Variants in LEMD1 observed in about 807,000 individuals in gnomAD.
LEMD1 encodes the protein LEM domain-containing protein 1.
LEMD1 carries 18 observed loss-of-function variants against 17.4 expected under a neutral mutation model. The ratio of observed to expected loss-of-function variants is 1.04; its 90% CI spans 0.72 to 1.54. The LOEUF (loss-of-function observed/expected upper bound fraction) is 1.54, where lower values mean the gene tolerates loss of function less well. LEMD1 is among the 40% of genes most tolerant of loss of function. The pLI, the probability that LEMD1 is intolerant of heterozygous loss-of-function variation, is 0.00. For synonymous variants in LEMD1, 88 were observed against 77.8 expected, an observed-to-expected ratio of 1.13 and a Z score of -0.69; for missense variants, 195 against 210.4, an observed-to-expected ratio of 0.93 and a Z score of 0.45.
intron 1 of LEMD1, chr1:205,435,511 C>T (rs984519939): frequency 6.6e-6 from 1 of 152,142 alleles, no homozygotes; most frequent in Non-Finnish European, 1.5e-5. Context: ...AGACATGAAG[C>T]CATTTGTTCC....
rs1269545342 is a variant in LEMD1, at chr1:205,449,158, T to C, written c.-39+710A>G. Among the ~76,000 whole-genome samples the C allele has an allele frequency of 3.9e-5, 6 of 152,134 alleles. No homozygotes were observed. In the East Asian group the frequency reaches 1.2e-3, roughly 29 times the overall value. On this transcript the variant is annotated intron_variant, in intron 1 of 3. Transcript: ENST00000367154. ...GGTGCGCAGTGCCCTGCCGCTCTCA[T>C]TGGCAGGACATGGGGGTTAGCACAG...
intron 3 of LEMD1, among the ~76,000 whole-genome samples, chr1:205,416,903 G>A (rs539830551): frequency 6.6e-6 from 1 of 152,186 alleles, no homozygotes. Context: ...AAGACAGTCA[G>A]TTAGTGAAAA....
intron 1 of LEMD1, among the ~76,000 whole-genome samples, chr1:205,427,925 C>A (rs2102451377): frequency 6.6e-6 from 1 of 152,276 alleles, no homozygotes; most frequent in South Asian, 2.1e-4. Context: ...AACAACTGTT[C>A]CAGAGCATTA....
chr1:205,383,212 G>C (rs1335507664), intron 5 of LEMD1, among the ~76,000 whole-genome samples: 1 of 152,108 alleles, frequency 6.6e-6, no homozygotes, highest in Admixed American at 6.6e-5. Flanking sequence ...TTCTGCGTCA[G>C]CCTCCCAGGT....
intron 2 of LEMD1, among the ~76,000 whole-genome samples, chr1:205,420,036 C>T (rs1001922812): frequency 9.2e-5 from 14 of 152,096 alleles, no homozygotes; most frequent in Admixed American, 2.0e-4. Context: ...CCAATCCATG[C>T]GCTGGGTGTG....
chr1:205,401,349 C>T (rs930008313), intron 4 of LEMD1, among the ~76,000 whole-genome samples: 1 of 152,200 alleles, frequency 6.6e-6, no homozygotes, highest in African/African-American at 2.4e-5. Flanking sequence ...CACATCCTCT[C>T]CAGCACCTGT....
chr1:205,392,748 A>G (rs565850339), intron 4 of LEMD1, among the ~76,000 whole-genome samples: 53 of 152,316 alleles, frequency 3.5e-4, no homozygotes, highest in Non-Finnish European at 6.3e-4. Flanking sequence ...TTGTGTCATC[A>G]GAGTCCCTAA....
At chr1:205,444,474 T>A (rs1376413108) in intron 1 of LEMD1, among the ~76,000 whole-genome samples, 1 of 151,638 alleles carries the variant, frequency 6.6e-6, no homozygotes, top group East Asian at 1.9e-4. Flanking sequence ...TCCCTGCTGA[T>A]CCTTTCCCTT....
intron 4 of LEMD1, chr1:205,387,438 A>G (rs1218926849): frequency 6.6e-6 from 1 of 152,214 alleles, no homozygotes; most frequent in Non-Finnish European, 1.5e-5. Flanking sequence ...CAGTTTTTGC[A>G]TCAAGTGGTG....
rs758439555 is a variant in LEMD1 at position 205,420,451 on chromosome 1, A to G, written c.82+4T>C. On this transcript the variant is annotated splice_donor_region_variant and intron_variant, in intron 2 of 5. Transcript: ENST00000367153. Reference sequence around the variant, plus strand: ...CTGTAATATTTGCTGCATACTGTACATACGTAGTATTGGGCCAGGTGAAAA... The same window carrying G: ...CTGTAATATTTGCTGCATACTGTACGTACGTAGTATTGGGCCAGGTGAAAA... 1.2e-6 allele frequency: 2 copies of G among 1,609,310 alleles called. No individual in the cohort carries two copies. Among genetic ancestry groups the G allele is most frequent in the Non-Finnish European group, 1.7e-6 (2 of 1,175,734 alleles).
chr1:205,427,289 G>C (rs1666069823), intron 1 of LEMD1, among the ~76,000 whole-genome samples: 1 of 151,778 alleles, frequency 6.6e-6, no homozygotes, highest in South Asian at 2.1e-4. Flanking sequence ...TGTGAGTAAG[G>C]CCTCAGTATG....
intron 4 of LEMD1, among the ~76,000 whole-genome samples, chr1:205,409,804 C>T (rs899185786): frequency 4.0e-5 from 6 of 150,440 alleles, no homozygotes; most frequent in Admixed American, 1.3e-4. Context: ...CAGAGTTTTG[C>T]GCTTGTTGCC....
chr1:205,408,502 C>CTTTTTTTTTT (rs573634699), intron 4 of LEMD1, among the ~76,000 whole-genome samples: 1 of 136,880 alleles, frequency 7.3e-6, no homozygotes, highest in Non-Finnish European at 1.5e-5. Flanking sequence ...TTCTTTCTTT[C>CTTTTTTTTTT]TTTTTTTTTT....
chr1:205,391,446 A>G (rs1381033830), intron 4 of LEMD1, among the ~76,000 whole-genome samples: 1 of 152,096 alleles, frequency 6.6e-6, no homozygotes, highest in Non-Finnish European at 1.5e-5. Flanking sequence ...GGTGAAAAAA[A>G]GCTCCCGGAA....
In LEMD1 at chr1:205,384,367, G is replaced by A; in HGVS notation, c.271-3C>T. ...TTAGTGGTGGAAGCCTCAGGCCACTGATAAACAGAAAGAAAATGTCAAGAG... is the reference window on the plus strand; with the variant it reads ...TTAGTGGTGGAAGCCTCAGGCCACTAATAAACAGAAAGAAAATGTCAAGAG... On this transcript the variant is annotated splice_polypyrimidine_tract_variant and splice_region_variant and intron_variant, in intron 4 of 5. Transcript: ENST00000367153. 1 of 1,494,260 alleles carries A rather than the reference G, an allele frequency of 6.7e-7. No homozygotes were observed. Among genetic ancestry groups the A allele is most frequent in the Non-Finnish European group, 8.9e-7 (1 of 1,119,646 alleles). The allele number at this position is 1,494,260 out of a possible 1,614,324, so 92.6% of individuals were successfully genotyped here.
chr1:205,381,986 T>A, intron 5 of LEMD1, 130 bp from the exon 6 acceptor site: 1 of 808,530 alleles, frequency 1.2e-6, no homozygotes, highest in Non-Finnish European at 2.1e-6. Flanking sequence ...CTCTCCTTAC[T>A]AAAAACCTAG....
Position 205,406,827 on chromosome 1 carries a change from G to A in LEMD1, c.270+9405C>T, listed in dbSNP as rs538692156. ...CTCACGCTGGGAGCTGTAGACAGGAGCTGTTCCTATTTGGCCATCTTGGCT... is the reference window on the plus strand; with the variant it reads ...CTCACGCTGGGAGCTGTAGACAGGAACTGTTCCTATTTGGCCATCTTGGCT... On this transcript the variant is annotated intron_variant, in intron 4 of 5. Transcript: ENST00000367153. Among the ~76,000 whole-genome samples the A allele has an allele frequency of 2.6e-5, 4 of 152,300 alleles. No individual in the cohort carries two copies. In the East Asian group the frequency reaches 5.8e-4, roughly 22 times the overall value.
chr1:205,443,401 G>GA (rs397760725), intron 1 of LEMD1, among the ~76,000 whole-genome samples: 2 of 151,690 alleles, frequency 1.3e-5, no homozygotes, highest in African/African-American at 4.8e-5. Context: ...GTCCTTTGGG[G>GA]AATTTAAGAA....
chr1:205,447,874 G>T (rs1666430417), intron 1 of LEMD1, among the ~76,000 whole-genome samples: 1 of 152,186 alleles, frequency 6.6e-6, no homozygotes, highest in Admixed American at 6.5e-5. Context: ...CAGAAAAAAG[G>T]CTGCAGATTC....
Sources: allele counts gnomAD v4.1 joint callset (sites outside exome capture counted in the v4.1 genomes callset), GRCh38; gene constraint gnomAD v4.1.1; transcripts MANE v1.5; gene names NCBI Gene and HGNC (gene_info 2026-07-23, HGNC 2026-07-21).